Variants in ZNF727 observed in about 807,000 individuals in gnomAD.
The protein encoded by ZNF727 is zinc finger protein 727.
ZNF727 carries 11 observed loss-of-function variants against 11.5 expected under a neutral mutation model. That is an observed-to-expected ratio of 0.95 (90% CI 0.60 to 1.58). The LOEUF is 1.58. Ranked by LOEUF, ZNF727 falls within the 40% of genes most tolerant of loss-of-function variation. ZNF727 has a pLI of 0.00. For synonymous variants in ZNF727, 171 were observed against 196.1 expected (o/e 0.87, Z 1.07); for missense variants, 533 against 581.7 (o/e 0.92, Z 0.86).
chr7:64,059,150 G>T (rs1434480160), intron 1 of ZNF727, among the ~76,000 whole-genome samples: 5 of 151,938 alleles, frequency 3.3e-5, no homozygotes, highest in African/African-American at 1.2e-4. Flanking sequence ...TCACCATATT[G>T]GTCAGGCTGG....
Position 64,077,953 on chromosome 7 carries a change from C to T in ZNF727, c.904C>T (p.His302Tyr), listed in dbSNP as rs780423731. The part of the protein sequence containing the change: ...AFRCCSDLTK[H>Y]KRIHTGEKPY... ...TAGGTGTTGCTCAGACCTTACTAAA[C>T]ATAAGAGAATTCATACTGGAGAGAA... The change falls in exon 4 of 4, where the codon CAT becomes TAT. Residue 302 changes from histidine to tyrosine, a missense_variant. Physicochemically the swap from His to Tyr is moderately conservative, Grantham distance 83. Around this residue, in one of 3 missense-constraint regions of ZNF727, gnomAD observed 463 missense variants for 494.5 expected, o/e 0.94. Transcript: ENST00000456806. The T allele has an allele frequency of 6.3e-7, 1 of 1,591,862 alleles. No individual in the cohort carries two copies. The highest frequency in any genetic ancestry group is 8.6e-7 in the Non-Finnish European group (1 of 1,168,520).
rs1377276711 is a variant in ZNF727 at position 64,083,050 on chromosome 7, T to C, written c.*4501T>C. On this transcript the variant is annotated 3_prime_UTR_variant, in exon 4 of 4. Transcript: ENST00000456806. ...GCCGCTCACTCTTCCCTTTAGGAGC[T>C]GTATCCCAAAGAGGATTCAAAACTC... 6.6e-6 allele frequency among the ~76,000 whole-genome samples: 1 copy of C among 152,212 alleles called. No homozygotes were observed. The highest frequency in any genetic ancestry group is 1.5e-5 in the Non-Finnish European group (1 of 68,044).
intron 3 of ZNF727, among the ~76,000 whole-genome samples, 166 bp downstream of exon 3, chr7:64,069,775 T>C (rs1388497369): frequency 6.6e-6 from 1 of 152,090 alleles, no homozygotes; most frequent in Non-Finnish European, 1.5e-5. Context: ...TTTTGTCCCA[T>C]TCTTGTGAAT....
At position 64,045,516 on chromosome 7, in the gene ZNF727, C is replaced by G; in HGVS notation, c.-106C>G. On this transcript the variant is annotated 5_prime_UTR_variant, in exon 1 of 4. Coordinates refer to ENST00000456806, the MANE Select transcript of ZNF727 (RefSeq NM_001159522.3). ...CCCGTCTGTACTATTCCATCTCTTC[C>G]GCTCCATTAGCTCCTCGGTGACTCC... The G allele has an allele frequency of 1.4e-6, 2 of 1,455,554 alleles. No individual in the cohort carries two copies. The highest frequency in any genetic ancestry group is 1.9e-6 in the Non-Finnish European group (2 of 1,059,662). The allele number at this position is 1,455,554 out of a possible 1,614,324, so 90.2% of individuals were successfully genotyped here.
At chr7:64,047,922 C>T (rs1463156159) in intron 1 of ZNF727, among the ~76,000 whole-genome samples, 3 of 152,128 alleles carry the variant, frequency 2.0e-5, no homozygotes, top group Non-Finnish European at 4.4e-5. Flanking sequence ...CTAGTGAGGG[C>T]GTGTATAAAT....
chr7:64,079,721 T>C lies in ZNF727; in HGVS notation c.*1172T>C, dbSNP rs1785753093. Among the ~76,000 whole-genome samples the C allele has an allele frequency of 6.6e-6, 1 of 152,174 alleles. No homozygotes were observed. Among genetic ancestry groups the C allele is most frequent in the Non-Finnish European group, 1.5e-5 (1 of 68,026 alleles). On this transcript the variant is annotated 3_prime_UTR_variant, in exon 4 of 4. Coordinates refer to ENST00000456806, the MANE Select transcript of ZNF727 (RefSeq NM_001159522.3). The stretch of plus-strand genomic sequence containing the variant: ...GTCATGATCATCTTAGCTGGCTATT[T>C]TGCACATTTGTTTATGTGGTGGCTT...
At chr7:64,059,186 G>T (rs1789733254) in intron 1 of ZNF727, among the ~76,000 whole-genome samples, 1 of 152,054 alleles carries the variant, frequency 6.6e-6, no homozygotes, top group Non-Finnish European at 1.5e-5. Context: ...CTTGTGATCT[G>T]CCTGCCTCAG....
At chr7:64,069,049 C>T (rs772100983) in intron 2 of ZNF727, 32 bp downstream of exon 2, 3 of 1,508,084 alleles carry the variant, frequency 2.0e-6, no homozygotes, top group Non-Finnish European at 1.8e-6. Flanking sequence ...AACTCATATT[C>T]TACATTAAAT....
intron 3 of ZNF727, among the ~76,000 whole-genome samples, chr7:64,073,383 A>T (rs1466964011): frequency 1.3e-5 from 2 of 150,516 alleles, no homozygotes; most frequent in African/African-American, 2.4e-5. Context: ...CTGGTCAATT[A>T]TTCTATTGTG....
chr7:64,045,521 C>CATT lies in ZNF727; in HGVS notation c.-99_-97dup. On this transcript the variant is annotated 5_prime_UTR_variant, in exon 1 of 4. Transcript: ENST00000456806. Reference sequence around the variant, plus strand: ...CTGTACTATTCCATCTCTTCCGCTCCATTAGCTCCTCGGTGACTCCACCAT... The same window carrying CATT: ...CTGTACTATTCCATCTCTTCCGCTCCATTATTAGCTCCTCGGTGACTCCACCAT... 3.4e-6 allele frequency: 5 copies of CATT among 1,476,770 alleles called. No individual in the cohort carries two copies. Among genetic ancestry groups the CATT allele is most frequent in the Non-Finnish European group, 4.6e-6 (5 of 1,078,848 alleles). The allele number at this position is 1,476,770 out of a possible 1,614,324, so 91.5% of individuals were successfully genotyped here.
At chr7:64,054,940 T>C (rs1789659070) in intron 1 of ZNF727, among the ~76,000 whole-genome samples, 1 of 152,156 alleles carries the variant, frequency 6.6e-6, no homozygotes, top group South Asian at 2.1e-4. Flanking sequence ...TTTAAGGTTG[T>C]TCTTTTATAT....
chr7:64,058,218 A>G (rs1286453097), intron 1 of ZNF727, among the ~76,000 whole-genome samples: 2 of 152,138 alleles, frequency 1.3e-5, no homozygotes, highest in Non-Finnish European at 2.9e-5. Flanking sequence ...TCTAGTGCAC[A>G]CAGACTGTCA....
intron 1 of ZNF727, among the ~76,000 whole-genome samples, chr7:64,059,145 A>G (rs1789732402): frequency 1.3e-5 from 2 of 152,052 alleles, no homozygotes; most frequent in Admixed American, 6.6e-5. Flanking sequence ...GGGTTTCACC[A>G]TATTGGTCAG....
At position 64,078,535 on chromosome 7, in the gene ZNF727, C is replaced by G; in HGVS notation, c.1486C>G (p.Leu496Val). 7 of 1,558,054 alleles carry G rather than the reference C, an allele frequency of 4.5e-6. No homozygotes were observed. Among genetic ancestry groups the G allele is most frequent in the Non-Finnish European group, 6.1e-6 (7 of 1,150,994 alleles). Residue 496 changes from leucine to valine, a missense_variant, in exon 4 of 4, where the codon CTA (leucine) becomes GTA (valine). Transcript: ENST00000456806. ...GCCTTTAGGTGGTTCTCAGACCTTA[C>G]TAAACATAAGGTAATTCATACTGGA... Reference protein sequence around the residue: ...AKPLGGSQTLLNIR With the variant: ...AKPLGGSQTLVNIR
chr7:64,078,556 C>T lies in ZNF727; in HGVS notation c.*7C>T. Reference sequence around the variant, plus strand: ...CTTACTAAACATAAGGTAATTCATACTGGAGATAAACCTTACAAATGTAAT... The same window carrying T: ...CTTACTAAACATAAGGTAATTCATATTGGAGATAAACCTTACAAATGTAAT... On this transcript the variant is annotated 3_prime_UTR_variant, in exon 4 of 4. Coordinates refer to ENST00000456806, the MANE Select transcript of ZNF727 (RefSeq NM_001159522.3). 1 of 1,556,390 alleles carries T rather than the reference C, an allele frequency of 6.4e-7. No homozygotes were observed. The highest frequency in any genetic ancestry group is 8.7e-7 in the Non-Finnish European group (1 of 1,150,284).
At chr7:64,058,427 T>C (rs1461538348) in intron 1 of ZNF727, among the ~76,000 whole-genome samples, 1 of 152,132 alleles carries the variant, frequency 6.6e-6, no homozygotes, top group African/African-American at 2.4e-5. Flanking sequence ...ACAAATTGCA[T>C]CTACATTTTC....
At chr7:64,049,431 A>G (rs1176191774) in intron 1 of ZNF727, among the ~76,000 whole-genome samples, 1 of 152,016 alleles carries the variant, frequency 6.6e-6, no homozygotes, top group Non-Finnish European at 1.5e-5. Context: ...CAAGAAACAC[A>G]TCTTATTTTC....
chr7:64,046,967 C>G (rs1280872983), intron 1 of ZNF727, among the ~76,000 whole-genome samples: 2 of 150,536 alleles, frequency 1.3e-5, no homozygotes, highest in Non-Finnish European at 2.9e-5. Flanking sequence ...TTGGTTAAGC[C>G]TAAGTTTTGT....
At chr7:64,059,212 G>A (rs1789733528) in intron 1 of ZNF727, among the ~76,000 whole-genome samples, 1 of 151,992 alleles carries the variant, frequency 6.6e-6, no homozygotes, top group Admixed American at 6.6e-5. Flanking sequence ...CAAAGTGCTG[G>A]GATTACAGGC....
Sources: gnomAD v4.1 joint callset for allele counts (sites outside exome capture counted in the v4.1 genomes callset) on GRCh38, gnomAD v4.1.1 for gene constraint, gnomAD v4.1.1 regional missense constraint, MANE v1.5 for transcripts, NCBI Gene and HGNC (gene_info 2026-07-23, HGNC 2026-07-21) for gene names.